SHPRH: variants seen among roughly 807,000 people sequenced by gnomAD.
SHPRH encodes SNF2 histone linker PHD RING helicase, also known as E3 ubiquitin-protein ligase SHPRH.
A neutral mutation model predicts 202.5 loss-of-function variants in SHPRH; 106 were observed. That is an observed-to-expected ratio of 0.52 (90% CI 0.45 to 0.62). The LOEUF (loss-of-function observed/expected upper bound fraction) is 0.62. Ranked by LOEUF, SHPRH falls within the 20% of genes least tolerant of loss-of-function variation. The pLI, the probability that SHPRH is intolerant of heterozygous loss-of-function variation, is 0.00. For missense variants in SHPRH, 1,710 were observed against 2,020.0 expected, an observed-to-expected ratio of 0.85 and a Z score of 2.94; for synonymous variants, 729 against 686.0, an observed-to-expected ratio of 1.06 and a Z score of -0.98.
In SHPRH at chr6:145,894,877, G is replaced by C; in HGVS notation, c.4608+8C>G. 6.2e-7 allele frequency: 1 copy of C among 1,611,590 alleles called. No individual in the cohort carries two copies. The highest frequency in any genetic ancestry group is 8.5e-7 in the Non-Finnish European group (1 of 1,178,312). ...AATTAATATTGAGGATGAAAATGTT[G>C]ATTATACCGTTGAGAAAACGAGTGC... On this transcript the variant is annotated splice_region_variant and intron_variant, in intron 26 of 29. Transcript: ENST00000275233.
chr6:145,878,620 CTGT>C (rs939373989), intron 2 of SHPRH, among the ~76,000 whole-genome samples: 1 of 152,164 alleles, frequency 6.6e-6, no homozygotes, highest in Non-Finnish European at 1.5e-5. Flanking sequence ...ATTTGTCTTT[CTGT>C]TGTTGACTAT....
rs1562325864 is a variant in SHPRH at position 145,923,818 on chromosome 6, CA to C, written c.3403-34del. ...AAAGGTAGCAGTTAATCAATTAATA[CA>C]TTTTTTTTAGTACTCACTAAGCTTC... On this transcript the variant is annotated intron_variant, in intron 17 of 29. Transcript: ENST00000275233. 2.5e-6 allele frequency: 4 copies of C among 1,596,020 alleles called. No individual in the cohort carries two copies. The South Asian group carries it at 3.4e-5, about 13-fold the overall frequency.
intron 1 of SHPRH, among the ~76,000 whole-genome samples, chr6:145,963,304 A>C (rs1000382324): frequency 2.0e-5 from 3 of 152,212 alleles, no homozygotes; most frequent in Non-Finnish European, 4.4e-5. Context: ...GGAATAATTT[A>C]AAGTAACAGT....
chr6:145,943,876 G>C, intron 8 of SHPRH, 74 bp from the exon 9 acceptor site: 1 of 1,323,526 alleles, frequency 7.6e-7, no homozygotes, highest in Non-Finnish European at 1.0e-6. Flanking sequence ...CTTTATGTAA[G>C]TACTTCATAT....
chr6:145,932,984 A>G (rs957373198), intron 14 of SHPRH, 73 bp downstream of exon 14: 1 of 1,525,008 alleles, frequency 6.6e-7, no homozygotes, highest in Non-Finnish European at 8.9e-7. Context: ...AAAAATCAAA[A>G]TCTATTTTTT....
intron 28 of SHPRH, 102 bp downstream of exon 28, chr6:145,893,113 A>T (rs1781709867): frequency 1.0e-6 from 1 of 997,730 alleles, no homozygotes; most frequent in Non-Finnish European, 1.3e-6. Flanking sequence ...GAAGTAATTA[A>T]AAACAAGTAC....
At chr6:145,873,120 T>A (rs1489945607) in intron 2 of SHPRH, among the ~76,000 whole-genome samples, 1 of 152,122 alleles carries the variant, frequency 6.6e-6, no homozygotes, top group Admixed American at 6.5e-5. Context: ...CAAACCACCA[T>A]GGCACACATT....
chr6:145,922,941 T>G lies in SHPRH; in HGVS notation c.3546-105A>C, dbSNP rs373751261. ...CAAACAAAGTGTTAAAGAAACTGTT[T>G]GCTGTTTTTTTTTTTTTTAACAGCA... On this transcript the variant is annotated intron_variant, in intron 18 of 29. Transcript: ENST00000275233. 2.4e-6 allele frequency: 3 copies of G among 1,263,626 alleles called. No homozygotes were observed. The African/African-American group carries it at 5.6e-5, about 24-fold the overall frequency. 78.3% of individuals were successfully genotyped at this position (1,263,626 alleles called of 1,614,324 possible). A position where few individuals can be genotyped will look rare whatever the true frequency, so the allele number is the denominator to read the frequency against.
chr6:145,861,307 A>G (rs1216885556), downstream of SHPRH, among the ~76,000 whole-genome samples: 1 of 152,192 alleles, frequency 6.6e-6, no homozygotes, highest in Non-Finnish European at 1.5e-5. Context: ...ATTTATCTAA[A>G]GAAGACATAC....
intron 15 of SHPRH, 123 bp from the exon 16 acceptor site, chr6:145,926,419 C>T: frequency 1.2e-6 from 1 of 854,288 alleles, no homozygotes; most frequent in Non-Finnish European, 1.8e-6. Flanking sequence ...AAATACTTTT[C>T]CTATAAAAAA....
Position 145,963,829 on chromosome 6 carries a change from G to C in SHPRH, c.-131C>G, listed in dbSNP as rs1338657616. The C allele has an allele frequency of 6.6e-6, 1 of 152,254 alleles. No homozygotes were observed. The allele number at this position is 152,254 out of a possible 1,614,324, so 9.4% of individuals were successfully genotyped here. On this transcript the variant is annotated 5_prime_UTR_variant, in exon 1 of 30. Coordinates refer to ENST00000275233, the MANE Select transcript of SHPRH (RefSeq NM_001042683.3). Reference sequence around the variant, plus strand: ...GCAGGCCGAGCAAACAAGCGACCGCGAGGCCAAGGAGCGTGACGACGGACT... The same window carrying C: ...GCAGGCCGAGCAAACAAGCGACCGCCAGGCCAAGGAGCGTGACGACGGACT...
rs76701699 is a variant in SHPRH, at chr6:145,934,915, G to T, written c.2982C>A (p.Leu994=). 4.9e-5 allele frequency: 77 copies of T among 1,577,518 alleles called. No individual in the cohort carries two copies. The African/African-American group carries it at 1.0e-3, about 20-fold the overall frequency. The stretch of plus-strand genomic sequence containing the variant: ...AAAGTTGATAATAAAACCTTTTTTG[G>T]AGTGGCAAGAACTCTCCACGAACAG... ...PQAVRGEFLP[L]QKSTMTMEEL... is the part of the protein sequence containing the mutation. The change falls in exon 13 of 30, where the codon CTC becomes CTA. Residue 994 remains leucine, a synonymous_variant. Transcript: ENST00000275233.
chr6:145,926,573 A>C (rs1365031248), intron 15 of SHPRH, among the ~76,000 whole-genome samples: 1 of 151,892 alleles, frequency 6.6e-6, no homozygotes, highest in Non-Finnish European at 1.5e-5. Context: ...TGTTCCTCTA[A>C]ATATCCACTC....
chr6:145,877,400 T>C (rs1233412060), intron 2 of SHPRH, among the ~76,000 whole-genome samples: 2 of 152,208 alleles, frequency 1.3e-5, no homozygotes, highest in Non-Finnish European at 1.5e-5. Context: ...CTAAGAGGTC[T>C]GGGGAGTCAT....
intron 2 of SHPRH, among the ~76,000 whole-genome samples, chr6:145,868,880 GAATTAT>G (rs1157828210): frequency 3.3e-5 from 5 of 152,240 alleles, no homozygotes; most frequent in Non-Finnish European, 7.4e-5. Context: ...TAAAAATATT[GAATTAT>G]AATTGTTTGC....
At position 145,919,408 on chromosome 6, in the gene SHPRH, C is replaced by T. The variant is rs369901400; in HGVS notation, c.4092G>A (p.Val1364=). 1.1e-5 allele frequency: 18 copies of T among 1,613,134 alleles called. No individual in the cohort carries two copies. Among genetic ancestry groups the T allele is most frequent in the Non-Finnish European group, 1.4e-5 (17 of 1,179,462 alleles). Residue 1364 remains valine (V), a synonymous_variant, in exon 22 of 30, where the codon GTG becomes GTA. Transcript: ENST00000275233. ...ELAMATERLR[V]RDPREPKPNP... Reference sequence around the variant, plus strand: ...TAGGCTTTGGCTCCCTAGGATCACGCACTCTTAGTCGTTCTGTAGCCATTG... The same window carrying T: ...TAGGCTTTGGCTCCCTAGGATCACGTACTCTTAGTCGTTCTGTAGCCATTG...
intron 14 of SHPRH, among the ~76,000 whole-genome samples, chr6:145,932,467 G>A (rs1041805576): frequency 1.3e-5 from 2 of 152,002 alleles, no homozygotes; most frequent in African/African-American, 4.8e-5. Flanking sequence ...CTTTAATTTT[G>A]TGCATAATAT....
intron 6 of SHPRH, 57 bp downstream of exon 6, chr6:145,947,436 G>T: frequency 6.4e-7 from 1 of 1,563,886 alleles, no homozygotes; most frequent in Non-Finnish European, 8.7e-7. Context: ...TTCAACATAC[G>T]ATGCTTTTCG....
intron 13 of SHPRH, 97 bp downstream of exon 13, chr6:145,934,810 G>T: frequency 8.3e-7 from 1 of 1,205,926 alleles, no homozygotes; most frequent in Non-Finnish European, 1.2e-6. Context: ...AAAGATAACT[G>T]ACAACTCAGT....
Sources: allele counts gnomAD v4.1 joint callset (sites outside exome capture counted in the v4.1 genomes callset), GRCh38; gene constraint gnomAD v4.1.1; transcripts MANE v1.5; gene names NCBI Gene and HGNC (gene_info 2026-07-23, HGNC 2026-07-21).